The following SPMAP2L variants were observed in gnomAD, a reference collection of about 807,000 sequenced individuals.
SPMAP2L encodes the protein sperm microtubule associated protein 2 like, also known as sperm microtubule associated protein 2-like.
At chr4:56,530,712 G>A in the SPMAP2L span, 2 of 1,535,244 alleles carry the variant, frequency 1.3e-6, no homozygotes, top group African/African-American at 1.4e-5. Context: ...CATCTGCGCC[G>A]TCCGAGGTGA....
At chr4:56,548,964 C>A in the SPMAP2L span, 1 of 423,022 alleles carries the variant, frequency 2.4e-6, no homozygotes, top group Non-Finnish European at 4.0e-6. Context: ...TCATAAGGTC[C>A]TTTTCTTTCT....
chr4:56,546,057 G>A, the SPMAP2L span, among the ~76,000 whole-genome samples: 2 of 152,304 alleles, frequency 1.3e-5, no homozygotes, highest in East Asian at 1.9e-4. Context: ...GCCTCCCAAA[G>A]TGTTGGGATT....
chr4:56,590,368 C>T, the SPMAP2L span, among the ~76,000 whole-genome samples: 1 of 152,128 alleles, frequency 6.6e-6, no homozygotes, highest in African/African-American at 2.4e-5. Context: ...GTATTAAGTT[C>T]AAAATTATGC....
At chr4:56,622,823 A>G in the SPMAP2L span, among the ~76,000 whole-genome samples, 3 of 152,192 alleles carry the variant, frequency 2.0e-5, no homozygotes, top group Non-Finnish European at 4.4e-5. Flanking sequence ...TATGAAAAGC[A>G]TGACTTTATT....
chr4:56,578,927 A>C, the SPMAP2L span, among the ~76,000 whole-genome samples: 2,332 of 152,106 alleles, frequency 0.015, 67 homozygotes, highest in African/African-American at 0.053. Flanking sequence ...GAAAAAAAAA[A>C]GTAAGAAAGA....
chr4:56,532,108 C>G, the SPMAP2L span, among the ~76,000 whole-genome samples: 1 of 152,176 alleles, frequency 6.6e-6, no homozygotes, highest in East Asian at 1.9e-4. Context: ...CAACTGGTCA[C>G]TTGGCACTGC....
At chr4:56,572,118 A>G in the SPMAP2L span, among the ~76,000 whole-genome samples, 1 of 152,256 alleles carries the variant, frequency 6.6e-6, no homozygotes, top group Admixed American at 6.5e-5. Flanking sequence ...TAGTAAATAC[A>G]TAAACCAGTA....
At chr4:56,532,080 T>C in the SPMAP2L span, among the ~76,000 whole-genome samples, 1 of 152,180 alleles carries the variant, frequency 6.6e-6, no homozygotes, top group Non-Finnish European at 1.5e-5. Flanking sequence ...TACTGTCTGG[T>C]TTATTTCAAT....
the SPMAP2L span, among the ~76,000 whole-genome samples, chr4:56,543,812 CCTTCG>C: frequency 6.6e-6 from 1 of 151,990 alleles, no homozygotes; most frequent in African/African-American, 2.4e-5. Flanking sequence ...TTATTCCTTT[CCTTCG>C]CTTAACCTAT....
the SPMAP2L span, among the ~76,000 whole-genome samples, chr4:56,547,842 A>C: frequency 6.6e-6 from 1 of 152,228 alleles, no homozygotes; most frequent in East Asian, 1.9e-4. Flanking sequence ...AAACAAAAAA[A>C]CAAAAAAACC....
chr4:56,561,682 A>G, the SPMAP2L span, among the ~76,000 whole-genome samples: 1 of 151,944 alleles, frequency 6.6e-6, no homozygotes, highest in Non-Finnish European at 1.5e-5. Context: ...AACACCTCCC[A>G]TTAGGCCTCA....
chr4:56,592,719 G>A, the SPMAP2L span, among the ~76,000 whole-genome samples: 34 of 152,110 alleles, frequency 2.2e-4, no homozygotes, highest in Non-Finnish European at 4.3e-4. Context: ...GGCGGCCGCC[G>A]CCTGGCTGGG....
At chr4:56,537,924 A>G in the SPMAP2L span, among the ~76,000 whole-genome samples, 1 of 151,980 alleles carries the variant, frequency 6.6e-6, no homozygotes, top group Non-Finnish European at 1.5e-5. Flanking sequence ...TGATCTCCTG[A>G]CCTTGTGATC....
chr4:56,594,909 A>C, the SPMAP2L span: 1 of 1,611,582 alleles, frequency 6.2e-7, no homozygotes, highest in Non-Finnish European at 8.5e-7. Context: ...TCGCACCTAA[A>C]TCTTCACAAG....
the SPMAP2L span, among the ~76,000 whole-genome samples, chr4:56,584,258 C>G: frequency 6.6e-6 from 1 of 152,240 alleles, no homozygotes; most frequent in South Asian, 2.1e-4. Flanking sequence ...TGTTGGGATG[C>G]CTGTTGGGAT....
chr4:56,535,680 C>T, the SPMAP2L span, among the ~76,000 whole-genome samples: 1 of 152,192 alleles, frequency 6.6e-6, no homozygotes, highest in Non-Finnish European at 1.5e-5. Context: ...GTGCCTCGTC[C>T]TGCTACAGGT....
the SPMAP2L span, among the ~76,000 whole-genome samples, chr4:56,543,379 A>G: frequency 2.7e-5 from 4 of 147,506 alleles, no homozygotes; most frequent in African/African-American, 9.9e-5. Flanking sequence ...CACCGCGCCC[A>G]GCCATGTTTT....
chr4:56,594,931 T>A, the SPMAP2L span: 74 of 1,612,106 alleles, frequency 4.6e-5, no homozygotes, highest in Middle Eastern at 1.8e-4. Context: ...CCTTCTGCAT[T>A]CCCCACAGAG....
At chr4:56,560,127 T>G in the SPMAP2L span, among the ~76,000 whole-genome samples, 1 of 152,170 alleles carries the variant, frequency 6.6e-6, no homozygotes, top group Non-Finnish European at 1.5e-5. Flanking sequence ...TAGGAAGACA[T>G]CTCTTCAAGA....
Sources: allele counts gnomAD v4.1 joint callset (sites outside exome capture counted in the v4.1 genomes callset), GRCh38; gene constraint gnomAD v4.1.1; transcripts MANE v1.5; gene names NCBI Gene and HGNC (gene_info 2026-07-23, HGNC 2026-07-21).